SIAH1: variants seen among roughly 807,000 people sequenced by gnomAD.
The protein encoded by SIAH1 is E3 ubiquitin-protein ligase SIAH1.
SIAH1 carries 2 observed loss-of-function variants against 20.0 expected under a neutral mutation model. The observed-to-expected ratio is 0.10, with a 90% CI of 0.04 to 0.31. The LOEUF is 0.31. Ranked by LOEUF, SIAH1 falls within the 10% of genes least tolerant of loss-of-function variation. The probability of loss-of-function intolerance (pLI) is 1.00; values close to 1 mark genes in which losing one functional copy is unlikely to be tolerated. For missense variants in SIAH1, 119 were observed against 355.3 expected, an observed-to-expected ratio of 0.33 and a Z score of 5.35; for synonymous variants, 118 against 125.3, an observed-to-expected ratio of 0.94 and a Z score of 0.39.
chr16:48,374,397 C>T (rs1037154966), intron 1 of SIAH1, among the ~76,000 whole-genome samples: 2 of 152,124 alleles, frequency 1.3e-5, no homozygotes, highest in African/African-American at 4.8e-5. Flanking sequence ...GAAAATTATG[C>T]CCTAGAATTC....
rs754892646 is a variant in SIAH1 at position 48,362,486 on chromosome 16, TATAA to T, written c.-2-60_-2-57del. 2.0e-5 allele frequency: 32 copies of T among 1,566,886 alleles called. No homozygotes were observed. The South Asian group carries it at 3.4e-4, about 17-fold the overall frequency. ...AAATAATTATAACCATGACTTACTT[TATAA>T]ATAATGTTTACATGCCATAAGTCCT... On this transcript the variant is annotated intron_variant, in intron 1 of 1. Transcript: ENST00000394725. The surrounding 1 kb of genome is among the most constrained non-coding windows in gnomAD (Gnocchi z 4.2).
intron 1 of SIAH1, among the ~76,000 whole-genome samples, chr16:48,367,529 T>G (rs1281518416): frequency 6.6e-6 from 1 of 152,192 alleles, no homozygotes; most frequent in African/African-American, 2.4e-5. Context: ...TCAACTGGCT[T>G]TTGTCTAGAT....
chr16:48,374,837 A>C (rs548175307), intron 1 of SIAH1, among the ~76,000 whole-genome samples: 1 of 152,340 alleles, frequency 6.6e-6, no homozygotes, highest in South Asian at 2.1e-4. Context: ...GACAGTCAGG[A>C]TAAGCAAATA....
chr16:48,381,354 A>C (rs564751240), intron 1 of SIAH1, among the ~76,000 whole-genome samples: 1 of 152,316 alleles, frequency 6.6e-6, no homozygotes, highest in East Asian at 1.9e-4. Context: ...AAAAAACAGC[A>C]GCAAAACAAC....
intron 1 of SIAH1, among the ~76,000 whole-genome samples, chr16:48,375,370 A>G (rs11860789): frequency 0.21 from 31,481 of 152,200 alleles, 4,038 homozygotes; most frequent in African/African-American, 0.36. Flanking sequence ...GAGGAGCAGT[A>G]GCTCACGCCT....
In SIAH1 at chr16:48,360,551, T is replaced by G. The variant is rs1960542463; in HGVS notation, c.*1029A>C. ...TAAGATTTTTTTAATTTGCCAGATA[T>G]TCTTTTAATGAGAATTATAAAAGAC... On this transcript the variant is annotated 3_prime_UTR_variant, in exon 2 of 2. Transcript: ENST00000394725. The G allele has an allele frequency of 6.5e-6, 1 of 152,676 alleles. No homozygotes were observed. Among genetic ancestry groups the G allele is most frequent in the African/African-American group, 2.4e-5 (1 of 41,470 alleles). 9.5% of individuals were successfully genotyped at this position (152,676 alleles called of 1,614,324 possible).
At chr16:48,382,189 C>T (rs1961314057) in intron 1 of SIAH1, among the ~76,000 whole-genome samples, 1 of 152,016 alleles carries the variant, frequency 6.6e-6, no homozygotes, top group Admixed American at 6.6e-5. Context: ...CCAGCCTAGG[C>T]AAGATGGCGA....
intron 1 of SIAH1, among the ~76,000 whole-genome samples, chr16:48,371,307 T>C (rs1040462641): frequency 1.3e-5 from 2 of 152,178 alleles, no homozygotes; most frequent in Non-Finnish European, 2.9e-5. Flanking sequence ...CCAGATGTTT[T>C]GTTGTCTCTA....
At chr16:48,377,522 G>C (rs571607430) in intron 1 of SIAH1, among the ~76,000 whole-genome samples, 1 of 151,446 alleles carries the variant, frequency 6.6e-6, no homozygotes, top group South Asian at 2.1e-4. Flanking sequence ...CCGAGTAGCT[G>C]GAATTACAGG....
intron 1 of SIAH1, among the ~76,000 whole-genome samples, chr16:48,381,393 A>C (rs532165446): frequency 6.6e-6 from 1 of 152,212 alleles, no homozygotes; most frequent in African/African-American, 2.4e-5. Context: ...TCCAGCAATC[A>C]CATTCCTTGG....
intron 1 of SIAH1, among the ~76,000 whole-genome samples, chr16:48,371,816 T>G (rs1290155485): frequency 1.3e-5 from 2 of 152,236 alleles, no homozygotes; most frequent in East Asian, 3.8e-4. Flanking sequence ...TACTACCTTA[T>G]GTTTTATATT....
chr16:48,386,045 C>G (rs1298047418), upstream of SIAH1, among the ~76,000 whole-genome samples: 1 of 152,192 alleles, frequency 6.6e-6, no homozygotes, highest in Non-Finnish European at 1.5e-5. Context: ...CACGCGTTTT[C>G]CTGTGTCCAT....
At chr16:48,365,438 T>C in intron 1 of SIAH1, 1 of 1,613,814 alleles carries the variant, frequency 6.2e-7, no homozygotes, top group Non-Finnish European at 8.5e-7. Context: ...AAGACTCCCC[T>C]CCAGGAGTAC....
intron 1 of SIAH1, chr16:48,365,015 ACTC>A (rs758438888): frequency 9.9e-5 from 19 of 191,118 alleles, no homozygotes; most frequent in Admixed American, 1.6e-4. Context: ...GCACATTTTA[ACTC>A]CTATTCAAAG....
upstream of SIAH1, chr16:48,385,561 G>A (rs1437397034): frequency 6.6e-6 from 1 of 151,802 alleles, no homozygotes; most frequent in African/African-American, 2.4e-5. Context: ...CGGCCTCCGC[G>A]GGCGTAGCTG....
chr16:48,377,126 TAAG>T (rs917674539), intron 1 of SIAH1, among the ~76,000 whole-genome samples: 6 of 152,308 alleles, frequency 3.9e-5, no homozygotes, highest in Middle Eastern at 3.4e-3. Context: ...TTAAACTCCT[TAAG>T]AAAATATTTC....
chr16:48,367,051 C>T (rs1960860414), intron 1 of SIAH1, among the ~76,000 whole-genome samples: 1 of 152,126 alleles, frequency 6.6e-6, no homozygotes, highest in South Asian at 2.1e-4. Flanking sequence ...AGACCACAGG[C>T]TGGCACCACC....
chr16:48,380,125 C>CT (rs1482759042), intron 1 of SIAH1, among the ~76,000 whole-genome samples: 1 of 152,168 alleles, frequency 6.6e-6, no homozygotes, highest in Non-Finnish European at 1.5e-5. Flanking sequence ...AAAGACGTAT[C>CT]TAAAAAAGAA....
chr16:48,380,586 T>A (rs952394511), intron 1 of SIAH1, among the ~76,000 whole-genome samples: 4 of 151,812 alleles, frequency 2.6e-5, no homozygotes, highest in Non-Finnish European at 4.4e-5. Context: ...GAAATGATGC[T>A]CCACATCACA....
Sources: gnomAD v4.1 joint callset for allele counts (sites outside exome capture counted in the v4.1 genomes callset) on GRCh38, gnomAD v4.1.1 for gene constraint, Gnocchi (gnomAD v3.1) non-coding constraint, MANE v1.5 for transcripts, NCBI Gene and HGNC (gene_info 2026-07-23, HGNC 2026-07-21) for gene names.